Variants in CDC14A observed in about 807,000 individuals in gnomAD.
CDC14A encodes the protein dual specificity protein phosphatase CDC14A.
A neutral mutation model predicts 74.4 loss-of-function variants in CDC14A; 53 were observed. That is an observed-to-expected ratio of 0.71 (90% CI 0.57 to 0.89). The LOEUF (loss-of-function observed/expected upper bound fraction) is 0.89. Ranked by LOEUF, CDC14A falls within the 40% of genes least tolerant of loss-of-function variation. CDC14A has a pLI of 0.00. For synonymous variants in CDC14A, 247 were observed against 258.4 expected (o/e 0.96, Z 0.43); for missense variants, 646 against 713.7 (o/e 0.91, Z 1.08).
intron 2 of CDC14A, among the ~76,000 whole-genome samples, chr1:100,366,601 G>T (rs1369080243): frequency 6.6e-6 from 1 of 152,152 alleles, no homozygotes; most frequent in Non-Finnish European, 1.5e-5. Context: ...TGCACCTGTG[G>T]GGTGGTGGGT....
At chr1:100,486,498 C>T (rs1406718426) in intron 11 of CDC14A, among the ~76,000 whole-genome samples, 6 of 152,168 alleles carry the variant, frequency 3.9e-5, no homozygotes. Context: ...TTATTTCTCA[C>T]GGTTCTGCAG....
chr1:100,479,553 A>C (rs1266139674), intron 10 of CDC14A, among the ~76,000 whole-genome samples: 1 of 152,214 alleles, frequency 6.6e-6, no homozygotes, highest in Non-Finnish European at 1.5e-5. Context: ...ATAGGCTAAA[A>C]AATTTTAATT....
chr1:100,393,293 G>T, intron 4 of CDC14A: 1 of 1,247,052 alleles, frequency 8.0e-7, no homozygotes, highest in Non-Finnish European at 1.2e-6. Flanking sequence ...GATTTTCATT[G>T]TATACTTTCC....
intron 4 of CDC14A, among the ~76,000 whole-genome samples, chr1:100,408,942 C>T (rs1394380482): frequency 6.6e-6 from 1 of 152,106 alleles, no homozygotes; most frequent in Admixed American, 6.6e-5. Context: ...TAGAACTTAC[C>T]CTATCTATTA....
intron 15 of CDC14A, among the ~76,000 whole-genome samples, chr1:100,510,079 C>T (rs1483738565): frequency 6.6e-6 from 1 of 152,134 alleles, no homozygotes; most frequent in African/African-American, 2.4e-5. Context: ...CTTTTGAAAA[C>T]ATCATCCAAG....
intron 4 of CDC14A, among the ~76,000 whole-genome samples, chr1:100,421,483 A>G (rs1367552881): frequency 6.6e-6 from 1 of 152,202 alleles, no homozygotes; most frequent in African/African-American, 2.4e-5. Flanking sequence ...GAAAAAGACA[A>G]TGTGTTGATA....
intron 8 of CDC14A, among the ~76,000 whole-genome samples, chr1:100,458,772 G>T (rs1401903573): frequency 4.6e-5 from 7 of 151,496 alleles, no homozygotes; most frequent in Non-Finnish European, 8.8e-5. Flanking sequence ...GAAAAGCTGA[G>T]GTTTTAAAGA....
intron 4 of CDC14A, among the ~76,000 whole-genome samples, chr1:100,412,696 T>TTA (rs139550432): frequency 0.041 from 3,067 of 74,036 alleles, 144 homozygotes; most frequent in East Asian, 0.12. Flanking sequence ...CCTGTATGTT[T>TTA]TATATATATA....
rs1444644144 is a variant in CDC14A at position 100,518,835 on chromosome 1, GCA to G, written c.*557_*558del. The G allele has an allele frequency of 1.3e-5, 2 of 152,516 alleles. No homozygotes were observed. Among genetic ancestry groups the G allele is most frequent in the Non-Finnish European group, 2.9e-5 (2 of 68,056 alleles). 9.4% of individuals were successfully genotyped at this position (152,516 alleles called of 1,614,324 possible). On this transcript the variant is annotated 3_prime_UTR_variant, in exon 16 of 16. Transcript: ENST00000336454. ...TTTTTAGAAAGTGATTTTTATGCTC[GCA>G]CTATAAATATGGCAGGTCAGTTCAT... is the stretch of plus-strand genomic sequence containing the variant.
At chr1:100,466,888 A>AT (rs58131629) in intron 9 of CDC14A, among the ~76,000 whole-genome samples, 6,665 of 150,710 alleles carry the variant, frequency 0.044, 526 homozygotes, top group African/African-American at 0.16. Flanking sequence ...AAAAAAAAAA[A>AT]AAGAAGGGTT....
intron 4 of CDC14A, among the ~76,000 whole-genome samples, chr1:100,415,601 G>T (rs1661436178): frequency 6.6e-6 from 1 of 152,122 alleles, no homozygotes; most frequent in South Asian, 2.1e-4. Context: ...TTGAAGAACA[G>T]GAAGAATGAC....
At chr1:100,391,050 T>A in intron 4 of CDC14A, 1 of 554,466 alleles carries the variant, frequency 1.8e-6, no homozygotes, top group Non-Finnish European at 3.3e-6. Flanking sequence ...CTGCAATATG[T>A]AGCTTGAATT....
chr1:100,471,339 G>A (rs1668378012), intron 10 of CDC14A, among the ~76,000 whole-genome samples: 1 of 152,058 alleles, frequency 6.6e-6, no homozygotes, highest in Non-Finnish European at 1.5e-5. Context: ...CTTATCTTGG[G>A]TTGTGTTTAC....
chr1:100,459,124 CACAG>C (rs1557782096), intron 8 of CDC14A, among the ~76,000 whole-genome samples: 172 of 146,952 alleles, frequency 1.2e-3, no homozygotes, highest in Middle Eastern at 0.01. Flanking sequence ...CACACACACA[CACAG>C]AGAGAGAGAG....
chr1:100,439,834 G>A (rs1664731972), intron 5 of CDC14A, 98 bp from the exon 6 acceptor site: 2 of 802,782 alleles, frequency 2.5e-6, no homozygotes, highest in African/African-American at 3.4e-5. Context: ...TAGCTGTGAA[G>A]CCAAACAAGC....
intron 3 of CDC14A, 144 bp from the exon 4 acceptor site, chr1:100,390,588 C>G (rs1657559615): frequency 1.7e-6 from 1 of 598,362 alleles, no homozygotes. Flanking sequence ...CTCTAACCCT[C>G]AAATGCCATA....
At chr1:100,352,222 CT>C (rs1651137721), upstream of CDC14A, among the ~76,000 whole-genome samples, 1 of 152,158 alleles carries the variant, frequency 6.6e-6, no homozygotes, top group South Asian at 2.1e-4. Context: ...AGTTTCTGGC[CT>C]ACAGGCCCCG....
At chr1:100,430,732 G>A (rs1663554119) in intron 5 of CDC14A, among the ~76,000 whole-genome samples, 1 of 152,168 alleles carries the variant, frequency 6.6e-6, no homozygotes, top group South Asian at 2.1e-4. Flanking sequence ...ATATGATATT[G>A]TGATTTTTGT....
intron 15 of CDC14A, 160 bp downstream of exon 15, chr1:100,499,422 A>G (rs181390937): frequency 4.6e-6 from 7 of 1,530,266 alleles, no homozygotes; most frequent in African/African-American, 2.8e-5. Context: ...TATGCACTAC[A>G]TTCTGCTAGC....
Sources: gnomAD v4.1 joint callset for allele counts (sites outside exome capture counted in the v4.1 genomes callset) on GRCh38, gnomAD v4.1.1 for gene constraint, MANE v1.5 for transcripts, NCBI Gene and HGNC (gene_info 2026-07-23, HGNC 2026-07-21) for gene names.